LEKR1: variants seen among roughly 807,000 people sequenced by gnomAD.
LEKR1 encodes the protein protein LEKR1.
LEKR1 carries 59 observed loss-of-function variants against 72.4 expected under a neutral mutation model. The observed-to-expected ratio is 0.82, with a 90% CI of 0.66 to 1.01. The LOEUF is 1.01. Ranked by LOEUF, LEKR1 falls within the 50% of genes least tolerant of loss-of-function variation. The probability of loss-of-function intolerance (pLI) is 0.00; values close to 1 mark genes in which losing one functional copy is unlikely to be tolerated. For missense variants in LEKR1, 728 were observed against 759.2 expected, an observed-to-expected ratio of 0.96 and a Z score of 0.48; for synonymous variants, 257 against 263.2, an observed-to-expected ratio of 0.98 and a Z score of 0.23.
At chr3:156,899,483 TACATATATAC>T (rs1560063975) in intron 3 of LEKR1, among the ~76,000 whole-genome samples, 2 of 117,330 alleles carry the variant, frequency 1.7e-5, no homozygotes, top group African/African-American at 6.7e-5. Flanking sequence ...TATACATACA[TACATATATAC>T]ACATATATAC....
At chr3:157,033,465 T>A (rs1396319335) in intron 12 of LEKR1, among the ~76,000 whole-genome samples, 1 of 152,108 alleles carries the variant, frequency 6.6e-6, no homozygotes, top group Non-Finnish European at 1.5e-5. Flanking sequence ...ATCAAACCAG[T>A]CATAATATTC....
At chr3:156,835,205 G>A (rs1326759154) in intron 2 of LEKR1, among the ~76,000 whole-genome samples, 11 of 152,230 alleles carry the variant, frequency 7.2e-5, no homozygotes, top group Non-Finnish European at 1.5e-5. Flanking sequence ...AAACAGGATA[G>A]AGAACTTATA....
At chr3:156,994,009 A>T (rs1378024051) in intron 9 of LEKR1, among the ~76,000 whole-genome samples, 1 of 152,080 alleles carries the variant, frequency 6.6e-6, no homozygotes, top group African/African-American at 2.4e-5. Context: ...TATTTCATTT[A>T]CATTTACTGA....
intron 6 of LEKR1, 150 bp downstream of exon 6, chr3:156,942,864 C>T (rs1726348534): frequency 3.0e-6 from 1 of 330,162 alleles, no homozygotes. Context: ...ATGGTGATAA[C>T]TGTGTCTGTG....
At chr3:156,943,685 G>C (rs572163023) in intron 6 of LEKR1, among the ~76,000 whole-genome samples, 2 of 151,968 alleles carry the variant, frequency 1.3e-5, no homozygotes, top group South Asian at 4.2e-4. Context: ...ATGAACATCT[G>C]TCTGAGTAAA....
At chr3:156,880,416 C>T (rs1485660707) in intron 3 of LEKR1, among the ~76,000 whole-genome samples, 1 of 152,202 alleles carries the variant, frequency 6.6e-6, no homozygotes, top group Admixed American at 6.5e-5. Flanking sequence ...TGGATAAATT[C>T]CTTGACACAT....
chr3:156,931,694 A>G (rs1346001216), intron 5 of LEKR1, among the ~76,000 whole-genome samples: 1 of 152,180 alleles, frequency 6.6e-6, no homozygotes, highest in East Asian at 1.9e-4. Context: ...ATGTGGTAGC[A>G]TGGATAATCC....
intron 2 of LEKR1, among the ~76,000 whole-genome samples, chr3:156,839,506 C>G (rs1713611353): frequency 6.6e-6 from 1 of 152,044 alleles, no homozygotes; most frequent in Non-Finnish European, 1.5e-5. Flanking sequence ...TACAATGGAG[C>G]CAATAAAGGA....
chr3:156,956,143 C>G (rs995614496), intron 6 of LEKR1, among the ~76,000 whole-genome samples: 7 of 151,576 alleles, frequency 4.6e-5, no homozygotes, highest in African/African-American at 1.7e-4. Flanking sequence ...GGTTAGGAAC[C>G]CAGTAAAGGG....
chr3:156,866,474 A>G (rs1717317685), intron 3 of LEKR1, among the ~76,000 whole-genome samples: 1 of 152,058 alleles, frequency 6.6e-6, no homozygotes. Context: ...GAAAGACAGA[A>G]GAATTCTTAG....
chr3:156,892,772 CCAAT>C (rs1253646886), intron 3 of LEKR1, among the ~76,000 whole-genome samples: 3 of 152,172 alleles, frequency 2.0e-5, no homozygotes, highest in Admixed American at 2.0e-4. Flanking sequence ...GGTTGACTGA[CCAAT>C]CAATCTTCTT....
At chr3:156,978,753 AC>A (rs753382823) in intron 6 of LEKR1, among the ~76,000 whole-genome samples, 128 of 152,272 alleles carry the variant, frequency 8.4e-4, no homozygotes, top group Non-Finnish European at 1.7e-3. Flanking sequence ...TGAGCCTGGA[AC>A]ATGATTTGTC....
chr3:156,861,687 G>A (rs1410245063), intron 3 of LEKR1, among the ~76,000 whole-genome samples: 5 of 151,978 alleles, frequency 3.3e-5, no homozygotes, highest in Non-Finnish European at 7.4e-5. Context: ...AGTAGACACA[G>A]GGCCATTAAA....
intron 2 of LEKR1, among the ~76,000 whole-genome samples, chr3:156,844,524 C>CT (rs1714330792): frequency 6.6e-6 from 1 of 152,144 alleles, no homozygotes; most frequent in Non-Finnish European, 1.5e-5. Context: ...TCCCCAATCT[C>CT]TTCCCTACTC....
chr3:157,003,083 C>G (rs73873768), intron 9 of LEKR1, among the ~76,000 whole-genome samples: 59 of 152,228 alleles, frequency 3.9e-4, no homozygotes, highest in African/African-American at 1.4e-3. Flanking sequence ...TCAGGAGATG[C>G]TCATTTGGAT....
chr3:156,901,680 ATTTTGTTTTG>A (rs201656138), intron 3 of LEKR1, among the ~76,000 whole-genome samples: 1 of 151,948 alleles, frequency 6.6e-6, no homozygotes. Context: ...TTAATGATCC[ATTTTGTTTTG>A]TTTTGTTTTG....
At chr3:157,035,012 GCAA>G (rs544930326) in intron 12 of LEKR1, among the ~76,000 whole-genome samples, 190 of 152,202 alleles carry the variant, frequency 1.2e-3, no homozygotes, top group African/African-American at 4.2e-3. Flanking sequence ...CAACATTGAA[GCAA>G]GACCCTCCAC....
chr3:157,027,460 G>T (rs953348219), intron 11 of LEKR1, among the ~76,000 whole-genome samples: 5 of 152,072 alleles, frequency 3.3e-5, no homozygotes, highest in Admixed American at 3.3e-4. Flanking sequence ...CCAAAATCAG[G>T]CATTTTGAGA....
At chr3:156,936,536 C>CT (rs1725732060) in intron 5 of LEKR1, among the ~76,000 whole-genome samples, 1 of 151,626 alleles carries the variant, frequency 6.6e-6, no homozygotes, top group Non-Finnish European at 1.5e-5. Context: ...ATTCTAAAGT[C>CT]TATGTTTTTT....
Sources: gnomAD v4.1 joint callset for allele counts (sites outside exome capture counted in the v4.1 genomes callset) on GRCh38, gnomAD v4.1.1 for gene constraint, MANE v1.5 for transcripts, NCBI Gene and HGNC (gene_info 2026-07-23, HGNC 2026-07-21) for gene names.